LY6L: variants seen among roughly 807,000 people sequenced by gnomAD.
The protein encoded by LY6L is lymphocyte antigen 6 family member L.
In LY6L, 8 loss-of-function variants were observed where a neutral mutation model predicts 8.3. That is an observed-to-expected ratio of 0.97 (90% CI 0.57 to 1.74). The LOEUF is 1.74. LY6L is among the 40% of genes most tolerant of loss of function. LY6L has a pLI of 0.00. For synonymous variants in LY6L, 79 were observed against 77.9 expected (o/e 1.01, Z -0.07); for missense variants, 156 against 183.8 (o/e 0.85, Z 0.87).
rs139058425 is a variant in LY6L at position 143,082,111 on chromosome 8, G to C, written c.191-314G>C. 5.7e-3 allele frequency among the ~76,000 whole-genome samples: 868 copies of C among 152,328 alleles called. 23 individuals carry two copies. The highest frequency in any genetic ancestry group is 0.049 in the Admixed American group (750 of 15,304). On this transcript the variant is annotated intron_variant, in intron 3 of 3. Transcript: ENST00000562505. ...ATCTCCCGACGACGCACATGCCCCG[G>C]GGCCGGCAGGGGTGGTCCAGGCTGT...
chr8:143,081,470 C>T lies in LY6L; in HGVS notation c.190+143C>T, dbSNP rs545484773. 4.7e-5 allele frequency: 26 copies of T among 556,336 alleles called. No individual in the cohort carries two copies. The South Asian group carries it at 5.9e-4, about 13-fold the overall frequency. 34.5% of individuals were successfully genotyped at this position (556,336 alleles called of 1,614,324 possible). ...CGAAAGTGCCTCCTGCTGTCTCTCC[C>T]GCGCTGGGCTCGGGCGAGCATCCCA... On this transcript the variant is annotated intron_variant, in intron 3 of 3. Coordinates refer to ENST00000562505, the MANE Select transcript of LY6L (RefSeq NM_001368160.2).
In LY6L at chr8:143,081,332, G is replaced by A. The variant is rs1247620028; in HGVS notation, c.190+5G>A. 1.3e-6 allele frequency: 2 copies of A among 1,499,330 alleles called. No homozygotes were observed. Among genetic ancestry groups the A allele is most frequent in the East Asian group, 2.5e-5 (1 of 40,232 alleles). The allele number at this position is 1,499,330 out of a possible 1,614,324, so 92.9% of individuals were successfully genotyped here. On this transcript the variant is annotated splice_donor_5th_base_variant and intron_variant, in intron 3 of 3. Coordinates refer to ENST00000562505, the MANE Select transcript of LY6L (RefSeq NM_001368160.2). ...ACGAGGTGGTCGTCTCTTTTAGTGA[G>A]TCCCCCCCGGGCAGAGGGCAGGTGC...
At position 143,082,770 on chromosome 8, in the gene LY6L, G is replaced by C. The variant is rs1820455068; in HGVS notation, c.*119G>C. 2.3e-6 allele frequency: 2 copies of C among 851,544 alleles called. No individual in the cohort carries two copies. The highest frequency in any genetic ancestry group is 1.7e-5 in the African/African-American group (1 of 58,290). The allele number at this position is 851,544 out of a possible 1,614,324, so 52.7% of individuals were successfully genotyped here. On this transcript the variant is annotated 3_prime_UTR_variant, in exon 4 of 4. Transcript: ENST00000562505. ...GGGGGGGACCCTCCCTCTCTGAGGT[G>C]GTGGGGAGGGTGCCATTGCCTCCAT...
At chr8:143,082,305 G>A (rs1292674583) in intron 3 of LY6L, 120 bp from the exon 4 acceptor site, 11 of 688,464 alleles carry the variant, frequency 1.6e-5, no homozygotes, top group South Asian at 3.8e-5. Flanking sequence ...GCCAGGTTAC[G>A]TGCTCTAGCT....
chr8:143,081,804 A>G (rs143457825), intron 3 of LY6L, among the ~76,000 whole-genome samples: 15 of 152,326 alleles, frequency 9.8e-5, no homozygotes, highest in Non-Finnish European at 2.1e-4. Flanking sequence ...ATAATGCTAC[A>G]TAATACAACA....
At chr8:143,081,165 T>C in intron 2 of LY6L, 39 bp downstream of exon 2, 2 of 1,529,500 alleles carry the variant, frequency 1.3e-6, no homozygotes, top group Non-Finnish European at 1.8e-6. Context: ...GCGTCGGGGC[T>C]GGAGCTGCGG....
chr8:143,081,141 G>C lies in LY6L; in HGVS notation c.73+15G>C, dbSNP rs1463907811. The C allele has an allele frequency of 2.3e-5, 35 of 1,533,676 alleles. No individual in the cohort carries two copies. The highest frequency in any genetic ancestry group is 3.0e-5 in the Non-Finnish European group (34 of 1,145,578). ...CACGACGCCAGGTAAGGCGCGGCCC[G>C]GGCTGGGCTGGGGGCGTCGGGGCTG... On this transcript the variant is annotated intron_variant, in intron 2 of 3. Transcript: ENST00000562505.
chr8:143,081,382 C>T, intron 3 of LY6L, 55 bp downstream of exon 3: 1 of 1,177,822 alleles, frequency 8.5e-7, no homozygotes, highest in South Asian at 1.6e-5. Context: ...GGGCCGGTGC[C>T]CCCGCCTCTC....
At chr8:143,080,947 C>T (rs6993880) in intron 1 of LY6L, 89 bp from the exon 2 acceptor site, 586,496 of 973,072 alleles carry the variant, frequency 0.6, 183,518 homozygotes, top group Non-Finnish European at 0.64. Context: ...GGGGGGTGCG[C>T]CCTGAGTAAA....
chr8:143,082,596 T>C lies in LY6L; in HGVS notation c.362T>C (p.Leu121Pro). The change falls in exon 4 of 4, where the codon CTG (leucine) becomes CCG (proline). Residue 121 changes from leucine (L) to proline (P), a missense_variant. Leu to Pro is a moderately conservative substitution (Grantham distance 98, BLOSUM62 -3). Transcript: ENST00000562505. ...ALTPQEGRWA[L>P]RGGLLLQVGL... ...ACCCCACAGGAGGGGCGCTGGGCCC[T>C]GCGAGGGGGGCTCCTGCTCCAGGTG... The C allele has an allele frequency of 6.5e-6, 10 of 1,527,112 alleles. No homozygotes were observed. The highest frequency in any genetic ancestry group is 8.8e-6 in the Non-Finnish European group (10 of 1,140,204). 94.6% of individuals were successfully genotyped at this position (1,527,112 alleles called of 1,614,324 possible).
Position 143,081,341 on chromosome 8 carries a change from G to T in LY6L, c.190+14G>T, listed in dbSNP as rs949130305. ...TCGTCTCTTTTAGTGAGTCCCCCCC[G>T]GGCAGAGGGCAGGTGCCAGGTGCCG... On this transcript the variant is annotated intron_variant, in intron 3 of 3. Coordinates refer to ENST00000562505, the MANE Select transcript of LY6L (RefSeq NM_001368160.2). 7 of 1,453,822 alleles carry T rather than the reference G, an allele frequency of 4.8e-6. No homozygotes were observed. The highest frequency in any genetic ancestry group is 4.3e-5 in the Admixed American group (2 of 46,040). 90.1% of individuals were successfully genotyped at this position (1,453,822 alleles called of 1,614,324 possible).
At chr8:143,082,310 C>T in intron 3 of LY6L, 115 bp from the exon 4 acceptor site, 1 of 730,468 alleles carries the variant, frequency 1.4e-6, no homozygotes, top group Non-Finnish European at 2.3e-6. Flanking sequence ...GTTACGTGCT[C>T]TAGCTCTTTC....
In LY6L at chr8:143,082,457, T is replaced by G. The variant is rs1180674088; in HGVS notation, c.223T>G (p.Cys75Gly). 6.5e-7 allele frequency: 1 copy of G among 1,535,460 alleles called. No homozygotes were observed. The highest frequency in any genetic ancestry group is 8.7e-7 in the Non-Finnish European group (1 of 1,146,670). Residue 75 changes from cysteine (C) to glycine (G), a missense_variant, in exon 4 of 4, where the codon TGT (cysteine) becomes GGT (glycine). Transcript: ENST00000562505. ...TGTACGCGTCCTGCTCAGCAAACGCTGTGCTCCCAGATGTCCCAACGACAA... is the reference window on the plus strand; with the variant it reads ...TGTACGCGTCCTGCTCAGCAAACGCGGTGCTCCCAGATGTCCCAACGACAA... ...WSVRVLLSKRCAPRCPNDNMK... is the reference protein window; with the variant it reads ...WSVRVLLSKRGAPRCPNDNMK...
chr8:143,081,192 C>T lies in LY6L; in HGVS notation c.74-19C>T. 1.3e-6 allele frequency: 2 copies of T among 1,526,518 alleles called. No individual in the cohort carries two copies. Among genetic ancestry groups the T allele is most frequent in the Non-Finnish European group, 1.8e-6 (2 of 1,140,188 alleles). The allele number at this position is 1,526,518 out of a possible 1,614,324, so 94.6% of individuals were successfully genotyped here. ...GAGCTGCGGACGCTGGTCCACAGCG[C>T]CCCGCTTGCTGCCCACAGCTCGCAA... On this transcript the variant is annotated intron_variant, in intron 2 of 3. Transcript: ENST00000562505.
Position 143,081,089 on chromosome 8 carries a change from G to T in LY6L, c.36G>T (p.Pro12=). The T allele has an allele frequency of 6.5e-7, 1 of 1,534,884 alleles. No homozygotes were observed. Among genetic ancestry groups the T allele is most frequent in the Non-Finnish European group, 8.7e-7 (1 of 1,146,348 alleles). The change falls in exon 2 of 4, where the codon CCG becomes CCT. Residue 12 remains proline, a synonymous_variant. Coordinates refer to ENST00000562505, the MANE Select transcript of LY6L (RefSeq NM_001368160.2). ...TCGTCCTAACCCTGTGCACCCTCCC[G>T]CTGGCTGTGGCGTCTGCTGGCTGCG... ...ERLVLTLCTL[P]LAVASAGCAT...
In LY6L at chr8:143,082,669, C is replaced by T. The variant is rs1330541624; in HGVS notation, c.*18C>T. 1 of 1,441,252 alleles carries T rather than the reference C, an allele frequency of 6.9e-7. No homozygotes were observed. The highest frequency in any genetic ancestry group is 1.4e-5 in the South Asian group (1 of 70,478). 89.3% of individuals were successfully genotyped at this position (1,441,252 alleles called of 1,614,324 possible). A position where few individuals can be genotyped will look rare whatever the true frequency, so the allele number is the denominator to read the frequency against. ...TGTTGTGAGGGCCCTCCCTTTACGC[C>T]CCCTCCTGGCCCTGCTGGCCCATCC... On this transcript the variant is annotated 3_prime_UTR_variant, in exon 4 of 4. Transcript: ENST00000562505.
chr8:143,080,671 G>C lies in LY6L; in HGVS notation c.-19+12G>C, dbSNP rs1243446874. On this transcript the variant is annotated intron_variant, in intron 1 of 3. Transcript: ENST00000562505. ...CGGCAGGAGAGAAGGTGCTGGGAGA[G>C]GGGTCCGGACTGTGGGCCGGGGGCT... 1.5e-5 allele frequency: 3 copies of C among 198,542 alleles called. No individual in the cohort carries two copies. The highest frequency in any genetic ancestry group is 1.6e-4 in the South Asian group (1 of 6,214). 12.3% of individuals were successfully genotyped at this position (198,542 alleles called of 1,614,324 possible).
In LY6L at chr8:143,082,405, G is replaced by T. The variant is rs1820446512; in HGVS notation, c.191-20G>T. 2.6e-6 allele frequency: 4 copies of T among 1,512,356 alleles called. No individual in the cohort carries two copies. The highest frequency in any genetic ancestry group is 3.5e-6 in the Non-Finnish European group (4 of 1,127,156). The allele number at this position is 1,512,356 out of a possible 1,614,324, so 93.7% of individuals were successfully genotyped here. ...CCTTGCTGGGGCTCTGGGGCCACCT[G>T]CCTCTCCTCTTTTCTGCAGAATGGA... On this transcript the variant is annotated intron_variant, in intron 3 of 3. Transcript: ENST00000562505.
chr8:143,081,304 C>G lies in LY6L; in HGVS notation c.167C>G (p.Ser56Cys). 6.5e-7 allele frequency: 1 copy of G among 1,531,092 alleles called. No individual in the cohort carries two copies. Among genetic ancestry groups the G allele is most frequent in the Non-Finnish European group, 8.7e-7 (1 of 1,143,756 alleles). 94.8% of individuals were successfully genotyped at this position (1,531,092 alleles called of 1,614,324 possible). ...WCSPLDQVCI[S>C]NEVVVSFKWS... is the part of the protein sequence containing the mutation. The stretch of plus-strand genomic sequence containing the variant: ...AGCCCGCTGGACCAAGTCTGCATCT[C>G]CAACGAGGTGGTCGTCTCTTTTAGT... The change falls in exon 3 of 4, where the codon TCC (serine) becomes TGC (cysteine). Residue 56 changes from serine to cysteine, a missense_variant. Physicochemically the swap from Ser to Cys is moderately radical, Grantham distance 112. Coordinates refer to ENST00000562505, the MANE Select transcript of LY6L (RefSeq NM_001368160.2).
Sources: gnomAD v4.1 joint callset for allele counts (sites outside exome capture counted in the v4.1 genomes callset) on GRCh38, gnomAD v4.1.1 for gene constraint, MANE v1.5 for transcripts, NCBI Gene and HGNC (gene_info 2026-07-23, HGNC 2026-07-21) for gene names.